KDM7A: variants seen among roughly 807,000 people sequenced by gnomAD.
KDM7A encodes the protein lysine-specific demethylase 7A.
A neutral mutation model predicts 114.8 loss-of-function variants in KDM7A; 28 were observed. The observed-to-expected ratio is 0.24, with a 90% CI of 0.18 to 0.33. The LOEUF is 0.33. Ranked by LOEUF, KDM7A falls within the 10% of genes least tolerant of loss-of-function variation. KDM7A has a pLI of 1.00. For synonymous variants in KDM7A, 423 were observed against 397.8 expected (o/e 1.06, Z -0.75); for missense variants, 942 against 1,142.5 (o/e 0.82, Z 2.53).
intron 1 of KDM7A, among the ~76,000 whole-genome samples, chr7:140,173,728 CA>C (rs1794671364): frequency 6.6e-6 from 1 of 152,084 alleles, no homozygotes; most frequent in South Asian, 2.1e-4. Flanking sequence ...CTCATGGAAG[CA>C]AATGATATTT....
intron 1 of KDM7A, among the ~76,000 whole-genome samples, chr7:140,171,528 T>A (rs1794639124): frequency 6.9e-6 from 1 of 144,844 alleles, no homozygotes; most frequent in Non-Finnish European, 1.5e-5. Context: ...TAAATATATA[T>A]TTATTTATAT....
chr7:140,094,847 T>A (rs1818077918), intron 17 of KDM7A: 1 of 152,216 alleles, frequency 6.6e-6, no homozygotes, highest in Non-Finnish European at 1.5e-5. Context: ...AGATCTACAA[T>A]CAAATTCTTT....
At chr7:140,099,764 T>C (rs779891902) in intron 13 of KDM7A, 135 bp downstream of exon 13, 3 of 723,444 alleles carry the variant, frequency 4.1e-6, no homozygotes, top group Non-Finnish European at 7.2e-6. Flanking sequence ...CCCAAAACCA[T>C]TCCCTGGCTG....
At chr7:140,098,027 C>A (rs755096517) in intron 14 of KDM7A, among the ~76,000 whole-genome samples, 1 of 152,186 alleles carries the variant, frequency 6.6e-6, no homozygotes, top group African/African-American at 2.4e-5. Context: ...CCTTCCCAAA[C>A]GTAAAACGCA....
intron 1 of KDM7A, among the ~76,000 whole-genome samples, chr7:140,170,634 G>A (rs1328770982): frequency 2.0e-5 from 3 of 152,190 alleles, no homozygotes; most frequent in African/African-American, 7.2e-5. Context: ...AGGTGACTGT[G>A]AGACTTCAAT....
Position 140,143,501 on chromosome 7 carries a change from C to T in KDM7A, c.195-4311G>A, listed in dbSNP as rs367746656. Among the ~76,000 whole-genome samples, 9 of 152,258 alleles carry T rather than the reference C, an allele frequency of 5.9e-5. No homozygotes were observed. The East Asian group carries it at 1.2e-3, about 20-fold the overall frequency. On this transcript the variant is annotated intron_variant, in intron 1 of 19. Coordinates refer to ENST00000397560, the MANE Select transcript of KDM7A (RefSeq NM_030647.2). ...TAAAATACTAAATAAAAATACACAA[C>T]ACAATACACAATTAAAATACTAAAT... is the stretch of plus-strand genomic sequence containing the variant.
chr7:140,129,770 C>T lies in KDM7A; in HGVS notation c.399-117G>A, dbSNP rs529219522. On this transcript the variant is annotated intron_variant, in intron 3 of 19. Transcript: ENST00000397560. ...ATTATCTATATCAGTGGTTCTTAACCTATCACTTCTCATTCTTTTAATGAC... is the reference window on the plus strand; with the variant it reads ...ATTATCTATATCAGTGGTTCTTAACTTATCACTTCTCATTCTTTTAATGAC... 1.2e-4 allele frequency: 74 copies of T among 630,426 alleles called. No individual in the cohort carries two copies. In the African/African-American group the frequency reaches 1.3e-3, roughly 11 times the overall value. 39.1% of individuals were successfully genotyped at this position (630,426 alleles called of 1,614,324 possible).
At position 140,111,175 on chromosome 7, in the gene KDM7A, C is replaced by A; in HGVS notation, c.1348G>T (p.Glu450Ter). The A allele has an allele frequency of 6.3e-7, 1 of 1,594,970 alleles. No homozygotes were observed. Among genetic ancestry groups the A allele is most frequent in the South Asian group, 1.1e-5 (1 of 89,428 alleles). The change falls in exon 11 of 20, where the codon GAA (glutamate) becomes TAA (stop). Residue 450 changes from glutamate to a stop codon, truncating the protein, a stop_gained. Transcript: ENST00000397560. LOFTEE classifies it high-confidence loss of function. Reference sequence around the variant, plus strand: ...TTGTCTGGAATTTCAAAGGCATGTTCAGATACAAGCTGTATTTGGATTAAC... The same window carrying A: ...TTGTCTGGAATTTCAAAGGCATGTTAAGATACAAGCTGTATTTGGATTAAC... ...KLWMKKELVS[E>*]HAFEIPDNVR...
At chr7:140,139,668 A>G (rs998684921) in intron 1 of KDM7A, among the ~76,000 whole-genome samples, 27 of 152,220 alleles carry the variant, frequency 1.8e-4, no homozygotes, top group African/African-American at 6.3e-4. Context: ...GAAGTTACAA[A>G]AAGAATAGAC....
chr7:140,120,367 T>A, intron 8 of KDM7A, 75 bp downstream of exon 8: 1 of 831,812 alleles, frequency 1.2e-6, no homozygotes, highest in Non-Finnish European at 2.0e-6. Flanking sequence ...AGCTATTGAT[T>A]TTTTTTAAGT....
intron 7 of KDM7A, among the ~76,000 whole-genome samples, chr7:140,122,249 T>C (rs1057109955): frequency 2.0e-5 from 3 of 152,242 alleles, no homozygotes; most frequent in African/African-American, 7.2e-5. Flanking sequence ...GACAGGCACA[T>C]ACTGAAATAG....
At chr7:140,104,072 CATTTTTTCAT>C (rs1327423456) in intron 11 of KDM7A, among the ~76,000 whole-genome samples, 2 of 152,290 alleles carry the variant, frequency 1.3e-5, no homozygotes, top group East Asian at 3.9e-4. Context: ...TGATGATGAG[CATTTTTTCAT>C]GTGTCTGTTG....
At chr7:140,142,183 T>G (rs1252029777) in intron 1 of KDM7A, among the ~76,000 whole-genome samples, 5 of 150,864 alleles carry the variant, frequency 3.3e-5, no homozygotes, top group Non-Finnish European at 7.4e-5. Flanking sequence ...ACAAAGGTTG[T>G]ATAACATAAT....
rs965303722 is a variant in KDM7A, at chr7:140,176,350, CGGCGG to C, written c.194+389_194+393del. 8.3e-4 allele frequency among the ~76,000 whole-genome samples: 116 copies of C among 139,742 alleles called. 1 individual carries two copies. The highest frequency in any genetic ancestry group is 7.0e-3 in the South Asian group (29 of 4,130). 91.7% of individuals were successfully genotyped at this position (139,742 alleles called of 152,430 possible). ...GCGACTCCGGCCGGAGCCCCGGGCG[CGGCGG>C]GGCGGGGCGGGGCGGCGGCGGCCCG... On this transcript the variant is annotated intron_variant, in intron 1 of 19. Coordinates refer to ENST00000397560, the MANE Select transcript of KDM7A (RefSeq NM_030647.2). This position sits in a 1 kb window ranked among gnomAD's most constrained non-coding sequence, Gnocchi z 4.4.
At chr7:140,135,205 C>CTT (rs11336171) in intron 2 of KDM7A, among the ~76,000 whole-genome samples, 2,108 of 131,838 alleles carry the variant, frequency 0.016, 25 homozygotes, top group Non-Finnish European at 0.022. Flanking sequence ...TACATAACTC[C>CTT]TTTTTTTTTT....
intron 2 of KDM7A, 72 bp from the exon 3 acceptor site, chr7:140,133,728 T>G: frequency 1.3e-6 from 1 of 784,426 alleles, no homozygotes; most frequent in Non-Finnish European, 2.1e-6. Context: ...AATCATTATA[T>G]CCGACATAAT....
intron 1 of KDM7A, among the ~76,000 whole-genome samples, chr7:140,166,252 A>G (rs977370096): frequency 1.3e-5 from 2 of 152,062 alleles, no homozygotes; most frequent in African/African-American, 4.8e-5. Flanking sequence ...TTCTCTCCAC[A>G]GATGCTGAAG....
At chr7:140,164,309 G>C (rs570354379) in intron 1 of KDM7A, among the ~76,000 whole-genome samples, 2 of 152,314 alleles carry the variant, frequency 1.3e-5, no homozygotes, top group African/African-American at 4.8e-5. Context: ...CTATAGATCA[G>C]GGTTTCTCAA....
chr7:140,152,698 T>C (rs1024471962), intron 1 of KDM7A, among the ~76,000 whole-genome samples: 1 of 151,552 alleles, frequency 6.6e-6, no homozygotes, highest in Non-Finnish European at 1.5e-5. Context: ...TGACGCTGAG[T>C]TGCCAGGAAA....
Sources: allele counts gnomAD v4.1 joint callset (sites outside exome capture counted in the v4.1 genomes callset), GRCh38; gene constraint gnomAD v4.1.1; non-coding constraint Gnocchi (gnomAD v3.1); transcripts MANE v1.5; gene names NCBI Gene and HGNC (gene_info 2026-07-23, HGNC 2026-07-21).